Variants in C10orf67 observed in about 807,000 individuals in gnomAD.
The protein encoded by C10orf67 is chromosome 10 open reading frame 67.
C10orf67 carries 60 observed loss-of-function variants against 35.6 expected under a neutral mutation model. The observed-to-expected ratio is 1.68, with a 90% confidence interval of 1.37 to 2.09. The LOEUF (loss-of-function observed/expected upper bound fraction) is 2.09, where lower values mean the gene tolerates loss of function less well. Ranked by LOEUF, C10orf67 falls within the 30% of genes most tolerant of loss-of-function variation. The probability of loss-of-function intolerance (pLI) is 0.00; values close to 1 mark genes in which losing one functional copy is unlikely to be tolerated. For synonymous variants in C10orf67, 167 were observed against 115.8 expected (o/e 1.44, Z -2.84); for missense variants, 474 against 330.2 (o/e 1.44, Z -3.38).
chr10:23,331,615 CGGGAG>C (rs376871334), intron 2 of C10orf67, among the ~76,000 whole-genome samples: 2 of 82,146 alleles, frequency 2.4e-5, no homozygotes, highest in Non-Finnish European at 2.3e-5. Flanking sequence ...GAAGGGGAAC[CGGGAG>C]GGGAGGGGAG....
chr10:23,202,593 G>A (rs1244405063), downstream of C10orf67: 1 of 152,090 alleles, frequency 6.6e-6, no homozygotes, highest in South Asian at 2.1e-4. Flanking sequence ...ACTTTTGAAG[G>A]ACTTCTGATG....
chr10:23,272,702 C>T (rs1392073970), intron 8 of C10orf67, among the ~76,000 whole-genome samples: 3 of 152,148 alleles, frequency 2.0e-5, no homozygotes, highest in Non-Finnish European at 2.9e-5. Context: ...TTAGGATAGG[C>T]TTGTTGATTT....
At chr10:23,210,910 A>G (rs568608175) in intron 15 of C10orf67, among the ~76,000 whole-genome samples, 3 of 152,246 alleles carry the variant, frequency 2.0e-5, no homozygotes, top group African/African-American at 7.2e-5. Context: ...GAATGGCAGA[A>G]CTCCTTACCC....
intron 4 of C10orf67, among the ~76,000 whole-genome samples, chr10:23,311,424 G>A (rs969331651): frequency 6.6e-6 from 1 of 152,130 alleles, no homozygotes; most frequent in Non-Finnish European, 1.5e-5. Context: ...TGAAATTCCA[G>A]CTTGGGGCCG....
At chr10:23,323,165 A>G (rs538033805) in intron 2 of C10orf67, among the ~76,000 whole-genome samples, 2 of 152,354 alleles carry the variant, frequency 1.3e-5, no homozygotes, top group Admixed American at 1.3e-4. Context: ...TCATACCTCA[A>G]AAGGTATAGT....
At chr10:23,248,126 C>T (rs1489205633) in intron 12 of C10orf67, among the ~76,000 whole-genome samples, 1 of 152,174 alleles carries the variant, frequency 6.6e-6, no homozygotes, top group East Asian at 1.9e-4. Context: ...CGGGAACCAC[C>T]TGTAACATTT....
chr10:23,233,345 G>C (rs905902696), intron 13 of C10orf67, among the ~76,000 whole-genome samples: 1 of 152,098 alleles, frequency 6.6e-6, no homozygotes, highest in Non-Finnish European at 1.5e-5. Context: ...GGGCTAATTA[G>C]CAACAAACAA....
chr10:23,208,657 T>C (rs1438103050), intron 15 of C10orf67, among the ~76,000 whole-genome samples: 2 of 152,204 alleles, frequency 1.3e-5, no homozygotes, highest in African/African-American at 2.4e-5. Context: ...GTGGAATGAA[T>C]GAGTGAATGG....
At chr10:23,273,335 G>A (rs549942284) in intron 8 of C10orf67, among the ~76,000 whole-genome samples, 1 of 152,304 alleles carries the variant, frequency 6.6e-6, no homozygotes, top group East Asian at 1.9e-4. Context: ...TCGCCTATCA[G>A]CTTGAGAGGT....
intron 13 of C10orf67, among the ~76,000 whole-genome samples, chr10:23,238,662 C>T (rs1270075073): frequency 6.6e-6 from 1 of 152,104 alleles, no homozygotes; most frequent in East Asian, 1.9e-4. Context: ...TTGAGTGACA[C>T]CATATTCTCC....
intron 7 of C10orf67, among the ~76,000 whole-genome samples, chr10:23,286,909 T>G (rs1843558724): frequency 6.6e-6 from 1 of 152,174 alleles, no homozygotes; most frequent in Non-Finnish European, 1.5e-5. Context: ...ACCATTTCTT[T>G]GAAAAATACT....
chr10:23,317,168 G>A (rs1844752340), intron 4 of C10orf67: 1 of 152,368 alleles, frequency 6.6e-6, no homozygotes, highest in South Asian at 2.1e-4. Flanking sequence ...AACTCTGGAG[G>A]GGGCCAAGGC....
intron 2 of C10orf67, among the ~76,000 whole-genome samples, chr10:23,330,297 A>C (rs906867446): frequency 5.9e-5 from 9 of 152,032 alleles, no homozygotes; most frequent in Non-Finnish European, 1.0e-4. Context: ...GTCTCTACAA[A>C]AAAATAGAAA....
chr10:23,258,793 T>C (rs894490568), intron 10 of C10orf67, among the ~76,000 whole-genome samples: 2 of 152,220 alleles, frequency 1.3e-5, no homozygotes, highest in Admixed American at 6.6e-5. Flanking sequence ...CCCAGGAATA[T>C]GGAACATGGA....
At position 23,344,547 on chromosome 10, in the gene C10orf67, C is replaced by T. The variant is rs374731966; in HGVS notation, c.206+22G>A. On this transcript the variant is annotated intron_variant, in intron 1 of 15. Transcript: ENST00000636213. ...GGACCCTGCTCGCTTCCTCCTCTAC[C>T]CAGGCGCGGAGCTCAGCCTACCTCG... 221 of 1,558,988 alleles carry T rather than the reference C, an allele frequency of 1.4e-4. No homozygotes were observed. The African/African-American group carries it at 2.6e-3, about 18-fold the overall frequency.
chr10:23,306,530 GAAAAAAAAAAA>G lies in C10orf67; in HGVS notation c.547-3082_547-3072del, dbSNP rs61468201. Among the ~76,000 whole-genome samples the G allele has an allele frequency of 1.4e-4, 8 of 56,316 alleles. No individual in the cohort carries two copies. The East Asian group carries it at 3.0e-3, about 21-fold the overall frequency. 36.9% of individuals were successfully genotyped at this position (56,316 alleles called of 152,430 possible). A position where few individuals can be genotyped will look rare whatever the true frequency, so the allele number is the denominator to read the frequency against. ...GGTGACAGTGCCAGACTCCATCTCA[GAAAAAAAAAAA>G]AAAAAAAAAAGAATGGTGGTTGACA... On this transcript the variant is annotated intron_variant, in intron 4 of 15. Coordinates refer to ENST00000636213, the MANE Select transcript of C10orf67 (RefSeq NM_001371909.1).
At chr10:23,254,193 T>C (rs1334484774) in intron 10 of C10orf67, among the ~76,000 whole-genome samples, 1 of 152,212 alleles carries the variant, frequency 6.6e-6, no homozygotes, top group African/African-American at 2.4e-5. Flanking sequence ...GATAATAACA[T>C]ACTGTAATTT....
chr10:23,342,780 C>A (rs1845953998), intron 1 of C10orf67, among the ~76,000 whole-genome samples: 1 of 152,230 alleles, frequency 6.6e-6, no homozygotes, highest in South Asian at 2.1e-4. Flanking sequence ...TACAGTGAAG[C>A]TGGGGAAGCC....
At position 23,274,758 on chromosome 10, in the gene C10orf67, C is replaced by T. The variant is rs376875498; in HGVS notation, c.975+7255G>A. On this transcript the variant is annotated intron_variant, in intron 8 of 15. Transcript: ENST00000636213. The stretch of plus-strand genomic sequence containing the variant: ...ATACATCCTCAGCTTACAAAGATGA[C>T]GGGATTGAGAGATTAAATCCTATGC... 6.6e-5 allele frequency among the ~76,000 whole-genome samples: 10 copies of T among 152,002 alleles called. No homozygotes were observed. The South Asian group carries it at 1.0e-3, about 16-fold the overall frequency.
Sources: gnomAD v4.1 joint callset for allele counts (sites outside exome capture counted in the v4.1 genomes callset) on GRCh38, gnomAD v4.1.1 for gene constraint, MANE v1.5 for transcripts, NCBI Gene and HGNC (gene_info 2026-07-23, HGNC 2026-07-21) for gene names.